The following MEGF10 variants were observed in gnomAD, a reference collection of about 807,000 sequenced individuals.
The protein encoded by MEGF10 is multiple epidermal growth factor-like domains protein 10.
A neutral mutation model predicts 147.5 loss-of-function variants in MEGF10; 86 were observed. The observed-to-expected ratio is 0.58, with a 90% CI of 0.49 to 0.70. The LOEUF (loss-of-function observed/expected upper bound fraction) is 0.70. Among genes scored for constraint, MEGF10 ranks in the 30% least tolerant of loss-of-function variants. The probability of loss-of-function intolerance (pLI) is 0.00; values close to 1 mark genes in which losing one functional copy is unlikely to be tolerated. For synonymous variants in MEGF10, 478 were observed against 525.5 expected (o/e 0.91, Z 1.24); for missense variants, 1,329 against 1,487.3 (o/e 0.89, Z 1.75).
chr5:127,448,960 G>T, intron 21 of MEGF10, 139 bp from the exon 22 acceptor site: 1 of 1,081,232 alleles, frequency 9.2e-7, no homozygotes, highest in Admixed American at 2.8e-5. Context: ...GTTACAAGCA[G>T]TCACCTCGGC....
chr5:127,280,013 C>T, the MEGF10 span, among the ~76,000 whole-genome samples: 2 of 152,084 alleles, frequency 1.3e-5, no homozygotes, highest in Non-Finnish European at 2.9e-5. Context: ...TTAATTTGAT[C>T]ATGAATATGT....
intron 22 of MEGF10, among the ~76,000 whole-genome samples, chr5:127,452,183 G>T (rs1009183368): frequency 1.3e-5 from 2 of 152,234 alleles, no homozygotes; most frequent in Non-Finnish European, 2.9e-5. Context: ...TGGCAGGGGT[G>T]TCTGGCCTCA....
At chr5:127,267,826 A>T in the MEGF10 span, among the ~76,000 whole-genome samples, 2 of 152,126 alleles carry the variant, frequency 1.3e-5, no homozygotes, top group South Asian at 4.2e-4. Flanking sequence ...CTTCTTTATT[A>T]GTCTTGCAAG....
chr5:127,279,063 C>T, the MEGF10 span, among the ~76,000 whole-genome samples: 5 of 152,148 alleles, frequency 3.3e-5, no homozygotes, highest in South Asian at 1.0e-3. Context: ...TGGGATTTTG[C>T]CGGGTGAGTA....
chr5:127,306,127 A>G (rs1760001536), intron 1 of MEGF10, among the ~76,000 whole-genome samples: 1 of 152,114 alleles, frequency 6.6e-6, no homozygotes, highest in Admixed American at 6.5e-5. Context: ...TTGGAAGACC[A>G]TTTTTCATTT....
intron 1 of MEGF10, among the ~76,000 whole-genome samples, chr5:127,319,484 G>A (rs183279494): frequency 4.6e-5 from 7 of 152,212 alleles, no homozygotes; most frequent in African/African-American, 1.7e-4. Context: ...CATTTGCTGT[G>A]CTGGGTGCTG....
In MEGF10 at chr5:127,396,770, C is replaced by A. The variant is rs771421649; in HGVS notation, c.651C>A (p.Thr217=). ...TGECRCPPGY[T]GAFCEDLCPP... Reference sequence around the variant, plus strand: ...AATGCCGCTGCCCACCAGGATACACCGGAGCCTTGTAAGTCACATGCTGCC... The same window carrying A: ...AATGCCGCTGCCCACCAGGATACACAGGAGCCTTGTAAGTCACATGCTGCC... The change falls in exon 6 of 25, where the codon ACC becomes ACA. Residue 217 remains threonine (T), a synonymous_variant. Transcript: ENST00000503335. The A allele has an allele frequency of 6.2e-7, 1 of 1,612,974 alleles. No homozygotes were observed. The highest frequency in any genetic ancestry group is 8.5e-7 in the Non-Finnish European group (1 of 1,179,342).
At chr5:127,447,016 A>G (rs754836923) in intron 20 of MEGF10, among the ~76,000 whole-genome samples, 2 of 152,144 alleles carry the variant, frequency 1.3e-5, no homozygotes, top group African/African-American at 2.4e-5. Context: ...TGGTTCTTTC[A>G]GTTTCACATT....
intron 4 of MEGF10, among the ~76,000 whole-genome samples, chr5:127,362,806 G>C (rs1437703570): frequency 6.6e-6 from 1 of 152,120 alleles, no homozygotes; most frequent in Non-Finnish European, 1.5e-5. Context: ...TATTGATGTA[G>C]TTAGATTTGA....
chr5:127,410,735 A>T, intron 9 of MEGF10, 134 bp downstream of exon 9: 1 of 754,854 alleles, frequency 1.3e-6, no homozygotes, highest in South Asian at 1.7e-5. Flanking sequence ...TCTGGGCAGG[A>T]ATCGCCGAGT....
chr5:127,290,459 T>G (rs1415635524), upstream of MEGF10, among the ~76,000 whole-genome samples: 5 of 152,166 alleles, frequency 3.3e-5, no homozygotes, highest in African/African-American at 9.7e-5. Context: ...CCGAGGGACT[T>G]GCACCCAACG....
intron 1 of MEGF10, among the ~76,000 whole-genome samples, chr5:127,314,200 GATCTCTTGACTCTCCTCA>G (rs1409967808): frequency 3.3e-5 from 5 of 152,150 alleles, no homozygotes; most frequent in Non-Finnish European, 7.3e-5. Flanking sequence ...CACAGGATAT[GATCTCTTGACTCTCCTCA>G]AGTGCTCAAT....
chr5:127,399,552 A>G (rs1764050326), intron 7 of MEGF10, among the ~76,000 whole-genome samples: 2 of 152,148 alleles, frequency 1.3e-5, no homozygotes, highest in Non-Finnish European at 2.9e-5. Flanking sequence ...TAACAGAGCA[A>G]TTGACTTTTT....
intron 5 of MEGF10, among the ~76,000 whole-genome samples, chr5:127,375,624 C>A (rs1762996526): frequency 6.6e-6 from 1 of 152,228 alleles, no homozygotes. Context: ...CCATCTCCTT[C>A]TTCCCTCCCC....
At chr5:127,439,155 T>C (rs1038927410) in intron 17 of MEGF10, among the ~76,000 whole-genome samples, 2 of 152,180 alleles carry the variant, frequency 1.3e-5, no homozygotes, top group Non-Finnish European at 2.9e-5. Flanking sequence ...CTAGTTCTTT[T>C]CCCCATTTTG....
the MEGF10 span, among the ~76,000 whole-genome samples, chr5:127,271,903 T>C: frequency 6.6e-6 from 1 of 152,216 alleles, no homozygotes; most frequent in Non-Finnish European, 1.5e-5. Flanking sequence ...TTCGAGTTTC[T>C]TTTCCTGTGC....
At chr5:127,276,381 C>T in the MEGF10 span, among the ~76,000 whole-genome samples, 10 of 152,110 alleles carry the variant, frequency 6.6e-5, no homozygotes, top group Admixed American at 6.6e-4. Flanking sequence ...AAAATTAAAG[C>T]CTTGATTAAT....
intron 14 of MEGF10, among the ~76,000 whole-genome samples, chr5:127,434,269 T>C (rs1316239579): frequency 1.3e-5 from 2 of 152,202 alleles, no homozygotes; most frequent in Non-Finnish European, 1.5e-5. Flanking sequence ...TGTTGATCGA[T>C]TTTTATTGCC....
At chr5:127,301,390 AT>A (rs368020611) in intron 1 of MEGF10, among the ~76,000 whole-genome samples, 202 of 149,858 alleles carry the variant, frequency 1.3e-3, no homozygotes, top group Admixed American at 4.3e-3. Flanking sequence ...AAATAGGAGC[AT>A]TTTTTTTTTC....
Sources: gnomAD v4.1 joint callset for allele counts (sites outside exome capture counted in the v4.1 genomes callset) on GRCh38, gnomAD v4.1.1 for gene constraint, MANE v1.5 for transcripts, NCBI Gene and HGNC (gene_info 2026-07-23, HGNC 2026-07-21) for gene names.